Variants in ST6GAL1 observed in about 807,000 individuals in gnomAD.
ST6GAL1 encodes the protein ST6 beta-galactoside alpha-2,6-sialyltransferase 1.
A neutral mutation model predicts 38.0 loss-of-function variants in ST6GAL1; 20 were observed. The observed-to-expected ratio is 0.53, with a 90% CI of 0.37 to 0.77. ST6GAL1 has a LOEUF of 0.77. Among genes scored for constraint, ST6GAL1 ranks in the 30% least tolerant of loss-of-function variants. The pLI is 0.00. For missense variants in ST6GAL1, 432 were observed against 496.4 expected, an observed-to-expected ratio of 0.87 and a Z score of 1.23; for synonymous variants, 196 against 188.2, an observed-to-expected ratio of 1.04 and a Z score of -0.34.
rs557470429 is a variant in ST6GAL1 at position 187,039,895 on chromosome 3, A to G, written c.-51+1022A>G. On this transcript the variant is annotated intron_variant, in intron 3 of 7. Coordinates refer to ENST00000169298, the MANE Select transcript of ST6GAL1 (RefSeq NM_173216.2). Reference sequence around the variant, plus strand: ...TTCAGATGAGTGCCCTGAGGCCATGACAGAGCACAGGCTGTGAAGGCTGAG... The same window carrying G: ...TTCAGATGAGTGCCCTGAGGCCATGGCAGAGCACAGGCTGTGAAGGCTGAG... Among the ~76,000 whole-genome samples the G allele has an allele frequency of 2.0e-5, 3 of 152,346 alleles. No homozygotes were observed. The East Asian group carries it at 5.8e-4, about 29-fold the overall frequency.
chr3:187,010,423 A>G (rs1243856701), intron 2 of ST6GAL1, among the ~76,000 whole-genome samples: 2 of 152,170 alleles, frequency 1.3e-5, no homozygotes, highest in Admixed American at 6.5e-5. Flanking sequence ...ATTGGTTCCC[A>G]CCCGTTTAGG....
At chr3:187,038,193 A>AT (rs1717996732) in intron 2 of ST6GAL1, among the ~76,000 whole-genome samples, 1 of 105,662 alleles carries the variant, frequency 9.5e-6, no homozygotes, top group Non-Finnish European at 1.9e-5. Flanking sequence ...TGTCAAGTCT[A>AT]TTTCTTTTTT....
chr3:186,963,862 G>A lies in ST6GAL1; in HGVS notation c.-247G>A, dbSNP rs1715009555. On this transcript the variant is annotated 5_prime_UTR_variant, in exon 2 of 8. It removes the in-frame stop codon of an upstream open reading frame in the 5' UTR. Coordinates refer to ENST00000169298, the MANE Select transcript of ST6GAL1 (RefSeq NM_173216.2). Reference sequence around the variant, plus strand: ...GTGGTGAATGTCATGGAGCCCAGCTGAAATGGACTGGCCCCCTTGAGCCTG... The same window carrying A: ...GTGGTGAATGTCATGGAGCCCAGCTAAAATGGACTGGCCCCCTTGAGCCTG... 1 of 152,408 alleles carries A rather than the reference G, an allele frequency of 6.6e-6. No homozygotes were observed. The highest frequency in any genetic ancestry group is 2.1e-4 in the South Asian group (1 of 4,834). 9.4% of individuals were successfully genotyped at this position (152,408 alleles called of 1,614,324 possible).
intron 1 of ST6GAL1, among the ~76,000 whole-genome samples, chr3:186,940,772 C>A (rs929929565): frequency 1.5e-5 from 2 of 134,106 alleles, no homozygotes; most frequent in East Asian, 4.2e-4. Context: ...TGGAGGTCTT[C>A]CCATGTCAGT....
intron 2 of ST6GAL1, among the ~76,000 whole-genome samples, chr3:186,975,244 A>T (rs1225030342): frequency 6.6e-6 from 1 of 152,216 alleles, no homozygotes; most frequent in Non-Finnish European, 1.5e-5. Context: ...CTTGTATACT[A>T]GACTGAGAGG....
At chr3:187,022,142 T>C (rs1717331189) in intron 2 of ST6GAL1, 1 of 152,322 alleles carries the variant, frequency 6.6e-6, no homozygotes, top group East Asian at 1.9e-4. Flanking sequence ...GGAGGGGGGA[T>C]GTCTTGGACA....
intron 5 of ST6GAL1, among the ~76,000 whole-genome samples, chr3:187,056,420 G>A (rs1255835008): frequency 2.0e-5 from 3 of 152,192 alleles, no homozygotes; most frequent in Non-Finnish European, 4.4e-5. Context: ...AATGTAGCAT[G>A]TTTTTGCAGT....
At chr3:186,976,054 G>A (rs949278926) in intron 2 of ST6GAL1, among the ~76,000 whole-genome samples, 4 of 152,092 alleles carry the variant, frequency 2.6e-5, no homozygotes, top group Admixed American at 6.5e-5. Flanking sequence ...GGGTCTCCAC[G>A]GGCTCGCTAG....
chr3:187,066,692 G>A (rs1011027414), intron 5 of ST6GAL1, among the ~76,000 whole-genome samples: 1 of 151,842 alleles, frequency 6.6e-6, no homozygotes, highest in Non-Finnish European at 1.5e-5. Context: ...AACTGAGAAG[G>A]TTACTTTAAA....
At chr3:187,005,040 G>C (rs949731415) in intron 2 of ST6GAL1, among the ~76,000 whole-genome samples, 1 of 151,164 alleles carries the variant, frequency 6.6e-6, no homozygotes, top group Non-Finnish European at 1.5e-5. Context: ...TCAATAAGAA[G>C]TACATTTTAT....
chr3:186,965,545 G>A (rs1715077023), intron 2 of ST6GAL1, among the ~76,000 whole-genome samples: 1 of 152,166 alleles, frequency 6.6e-6, no homozygotes, highest in Non-Finnish European at 1.5e-5. Flanking sequence ...AAATTATAAA[G>A]GTGGTAAGGT....
intron 1 of ST6GAL1, among the ~76,000 whole-genome samples, chr3:186,947,168 C>G (rs1714398342): frequency 6.6e-6 from 1 of 152,144 alleles, no homozygotes; most frequent in African/African-American, 2.4e-5. Flanking sequence ...GCACAGCACA[C>G]TAGATACTAC....
intron 2 of ST6GAL1, among the ~76,000 whole-genome samples, chr3:186,966,486 G>A (rs1715121826): frequency 6.6e-6 from 1 of 152,218 alleles, no homozygotes; most frequent in African/African-American, 2.4e-5. Flanking sequence ...AAGCTAGTGA[G>A]TGCTCTTTAT....
chr3:187,011,366 A>G (rs4686834), intron 2 of ST6GAL1, among the ~76,000 whole-genome samples: 112,175 of 152,194 alleles, frequency 0.74, 41,786 homozygotes, highest in South Asian at 0.84. Flanking sequence ...GACAGATCCC[A>G]GATTCAAATC....
intron 2 of ST6GAL1, among the ~76,000 whole-genome samples, chr3:186,965,163 A>T (rs79713489): frequency 4.1e-4 from 62 of 152,280 alleles, no homozygotes; most frequent in African/African-American, 1.4e-3. Context: ...ATGAAAACCC[A>T]CCATTTACTG....
chr3:186,976,051 C>T (rs1381317473), intron 2 of ST6GAL1, among the ~76,000 whole-genome samples: 2 of 152,204 alleles, frequency 1.3e-5, no homozygotes, highest in Admixed American at 6.5e-5. Flanking sequence ...TCAGGGTCTC[C>T]ACGGGCTCGC....
intron 2 of ST6GAL1, among the ~76,000 whole-genome samples, chr3:186,981,079 G>A (rs1163984540): frequency 6.6e-6 from 1 of 152,188 alleles, no homozygotes; most frequent in African/African-American, 2.4e-5. Context: ...AAGCAAGGAA[G>A]AAGGCAGGAG....
chr3:186,932,671 C>A (rs1440904371), intron 1 of ST6GAL1, among the ~76,000 whole-genome samples: 2 of 152,150 alleles, frequency 1.3e-5, no homozygotes, highest in Non-Finnish European at 2.9e-5. Flanking sequence ...TGACATCAGC[C>A]CCACGGGGAA....
chr3:187,025,970 G>A (rs1322484190), intron 2 of ST6GAL1, among the ~76,000 whole-genome samples: 1 of 152,194 alleles, frequency 6.6e-6, no homozygotes, highest in African/African-American at 2.4e-5. Context: ...TGGCAGGAGT[G>A]AAAGCCCTTT....
Sources: allele counts gnomAD v4.1 joint callset (sites outside exome capture counted in the v4.1 genomes callset), GRCh38; gene constraint gnomAD v4.1.1; transcripts MANE v1.5; gene names NCBI Gene and HGNC (gene_info 2026-07-23, HGNC 2026-07-21).